Variants in ATP8A2 observed in about 807,000 individuals in gnomAD.
The protein encoded by ATP8A2 is phospholipid-transporting ATPase IB.
A neutral mutation model predicts 165.6 loss-of-function variants in ATP8A2; 100 were observed. The observed-to-expected ratio is 0.60, with a 90% CI of 0.51 to 0.71. The LOEUF (loss-of-function observed/expected upper bound fraction) is 0.71. Among genes scored for constraint, ATP8A2 ranks in the 30% least tolerant of loss-of-function variants. The pLI is 0.00. For missense variants in ATP8A2, 1,227 were observed against 1,479.5 expected, an observed-to-expected ratio of 0.83 and a Z score of 2.80; for synonymous variants, 543 against 548.8, an observed-to-expected ratio of 0.99 and a Z score of 0.15.
chr13:25,693,242 G>A lies in ATP8A2; in HGVS notation c.2212-5931G>A, dbSNP rs538072044. Among the ~76,000 whole-genome samples, 262 of 152,266 alleles carry A rather than the reference G, an allele frequency of 1.7e-3. 2 individuals carry two copies. Among genetic ancestry groups the A allele is most frequent in the African/African-American group, 5.4e-3 (225 of 41,548 alleles). ...CTTACAAATAGACTCTTGAATCATA[G>A]TCCATTTGAGAATAAGGAACTGTTT... On this transcript the variant is annotated intron_variant, in intron 24 of 36. Transcript: ENST00000381655.
At chr13:25,934,686 A>T (rs1023775344) in intron 33 of ATP8A2, among the ~76,000 whole-genome samples, 1 of 152,184 alleles carries the variant, frequency 6.6e-6, no homozygotes, top group Non-Finnish European at 1.5e-5. Flanking sequence ...ATAGAGGAAC[A>T]CGGGAGGGAG....
chr13:25,493,542 T>C (rs1286948457), intron 2 of ATP8A2, among the ~76,000 whole-genome samples: 1 of 152,214 alleles, frequency 6.6e-6, no homozygotes, highest in East Asian at 1.9e-4. Context: ...ACTAAACATA[T>C]GCGGGAACCG....
chr13:25,875,057 G>A (rs915236691), intron 33 of ATP8A2, among the ~76,000 whole-genome samples: 2 of 151,952 alleles, frequency 1.3e-5, no homozygotes, highest in Non-Finnish European at 1.5e-5. Context: ...GTGAGTACTC[G>A]TAGAGACAGG....
intron 30 of ATP8A2, among the ~76,000 whole-genome samples, chr13:25,855,805 C>T (rs776922203): frequency 6.6e-6 from 1 of 152,216 alleles, no homozygotes; most frequent in Non-Finnish European, 1.5e-5. Flanking sequence ...TCTAATTTCT[C>T]CACATCTTGT....
chr13:26,012,398 C>A (rs939070122), intron 35 of ATP8A2, 133 bp from the exon 36 acceptor site: 3 of 687,104 alleles, frequency 4.4e-6, no homozygotes, highest in East Asian at 6.4e-5. Flanking sequence ...AATCACGGGC[C>A]GCTGGTGAAG....
intron 25 of ATP8A2, among the ~76,000 whole-genome samples, chr13:25,721,835 A>G (rs953929367): frequency 3.9e-5 from 6 of 152,244 alleles, no homozygotes; most frequent in African/African-American, 7.2e-5. Flanking sequence ...TTGTTTATCC[A>G]TTCATCAGTT....
chr13:25,921,326 A>G (rs1182691927), intron 33 of ATP8A2, among the ~76,000 whole-genome samples: 2 of 151,902 alleles, frequency 1.3e-5, no homozygotes, highest in Non-Finnish European at 2.9e-5. Flanking sequence ...CATCAGAAAA[A>G]CTGAGTTGAG....
intron 21 of ATP8A2, 69 bp downstream of exon 21, chr13:25,578,968 C>T (rs2039694275): frequency 2.8e-6 from 3 of 1,064,708 alleles, no homozygotes; most frequent in Non-Finnish European, 4.4e-6. Context: ...GTCTTGATTT[C>T]CAGGGGCACA....
chr13:25,753,265 G>T (rs1040984523), intron 25 of ATP8A2, among the ~76,000 whole-genome samples: 1 of 152,326 alleles, frequency 6.6e-6, no homozygotes, highest in Non-Finnish European at 1.5e-5. Flanking sequence ...CACTTACAGG[G>T]TGTGGTTCCA....
At chr13:25,790,524 G>GAAA (rs60293203) in intron 27 of ATP8A2, among the ~76,000 whole-genome samples, 1 of 146,570 alleles carries the variant, frequency 6.8e-6, no homozygotes, top group Admixed American at 6.8e-5. Context: ...TGTCTCTGTA[G>GAAA]AAAAAAAAAA....
chr13:25,511,230 T>TG (rs1160528517), intron 2 of ATP8A2, among the ~76,000 whole-genome samples: 1 of 152,016 alleles, frequency 6.6e-6, no homozygotes, highest in Non-Finnish European at 1.5e-5. Context: ...CTTAAACAAT[T>TG]TTTTTTGCAT....
rs139993792 is a variant in ATP8A2 at position 25,695,605 on chromosome 13, G to A, written c.2212-3568G>A. The stretch of plus-strand genomic sequence containing the variant: ...AATCCTTTGTTGTCATTTCAAGAAT[G>A]TTCACGGCGTGTTCACCAGGTGTAG... On this transcript the variant is annotated intron_variant, in intron 24 of 36. Transcript: ENST00000381655. Among the ~76,000 whole-genome samples the A allele has an allele frequency of 2.2e-4, 34 of 152,300 alleles. No individual in the cohort carries two copies. In the East Asian group the frequency reaches 3.5e-3, roughly 16 times the overall value.
chr13:25,485,511 G>C (rs970511598), intron 2 of ATP8A2, among the ~76,000 whole-genome samples: 24 of 152,148 alleles, frequency 1.6e-4, no homozygotes, highest in Admixed American at 1.3e-4. Flanking sequence ...ATAATTCACT[G>C]GGCCTACACA....
chr13:25,662,220 T>A (rs1337609558), intron 24 of ATP8A2, among the ~76,000 whole-genome samples: 1 of 152,230 alleles, frequency 6.6e-6, no homozygotes, highest in Admixed American at 6.5e-5. Flanking sequence ...AGCGCTGTTA[T>A]ACACATTTAC....
chr13:25,652,555 T>C (rs1055657924), intron 24 of ATP8A2, among the ~76,000 whole-genome samples: 7 of 152,246 alleles, frequency 4.6e-5, no homozygotes, highest in Admixed American at 1.3e-4. Context: ...CATTTAAACA[T>C]GTTATTCAGA....
chr13:25,584,548 T>C (rs569270297), intron 23 of ATP8A2, among the ~76,000 whole-genome samples: 1 of 152,344 alleles, frequency 6.6e-6, no homozygotes, highest in African/African-American at 2.4e-5. Context: ...TGCCAGGCAC[T>C]ATACTAGGAG....
chr13:25,982,640 T>A (rs562383885), intron 35 of ATP8A2, among the ~76,000 whole-genome samples: 1 of 152,232 alleles, frequency 6.6e-6, no homozygotes, highest in South Asian at 2.1e-4. Flanking sequence ...GTGATTGCAA[T>A]GCAGCCAGCT....
intron 18 of ATP8A2, among the ~76,000 whole-genome samples, chr13:25,572,775 T>G (rs537301603): frequency 6.6e-6 from 1 of 152,340 alleles, no homozygotes; most frequent in South Asian, 2.1e-4. Context: ...GGGATTATAG[T>G]TTTTGGCTTT....
At chr13:25,511,768 A>G (rs1201564038) in intron 2 of ATP8A2, among the ~76,000 whole-genome samples, 2 of 151,998 alleles carry the variant, frequency 1.3e-5, no homozygotes, top group Admixed American at 6.6e-5. Context: ...AAATTTTGGT[A>G]TGTGTCTCAT....
Sources: gnomAD v4.1 joint callset for allele counts (sites outside exome capture counted in the v4.1 genomes callset) on GRCh38, gnomAD v4.1.1 for gene constraint, MANE v1.5 for transcripts, NCBI Gene and HGNC (gene_info 2026-07-23, HGNC 2026-07-21) for gene names.